PIN4: variants seen among roughly 807,000 people sequenced by gnomAD.
PIN4 encodes the protein peptidyl-prolyl cis-trans isomerase NIMA-interacting 4.
Under a neutral mutation model 8.3 loss-of-function variants are expected in PIN4, and 3 were observed. The observed-to-expected ratio is 0.36, with a 90% CI of 0.16 to 0.93. The LOEUF (loss-of-function observed/expected upper bound fraction) is 0.93, where lower values mean the gene tolerates loss of function less well. Among genes scored for constraint, PIN4 ranks in the 40% least tolerant of loss-of-function variants. PIN4 has a pLI of 0.44. For synonymous variants in PIN4, 18 were observed against 32.5 expected, an observed-to-expected ratio of 0.55 and a Z score of 1.52; for missense variants, 75 against 100.6, an observed-to-expected ratio of 0.75 and a Z score of 1.09.
chrX:72,182,273 G>A (rs2042677254), intron 1 of PIN4, among the ~76,000 whole-genome samples: 1 of 112,216 alleles, frequency 8.9e-6, no homozygotes, highest in Non-Finnish European at 1.9e-5. Context: ...TGGGCGCGGT[G>A]GCTCACGCCT....
At chrX:72,245,069 CAAAAAAAAAAAAAAAAA>C (rs35952560) in intron 3 of PIN4, among the ~76,000 whole-genome samples, 28 of 19,744 alleles carry the variant, frequency 1.4e-3, no homozygotes, top group African/African-American at 3.4e-3. Context: ...GAGATCCTGT[CAAAAAAAAAAAAAAAAA>C]AAAAAAAAAA....
chrX:72,217,352 T>C (rs1227356009), intron 3 of PIN4, among the ~76,000 whole-genome samples: 1 of 111,929 alleles, frequency 8.9e-6, no homozygotes, highest in Non-Finnish European at 1.9e-5. Flanking sequence ...GAACCTTGGG[T>C]CTCTTTTGAG....
intron 3 of PIN4, among the ~76,000 whole-genome samples, chrX:72,221,967 C>G (rs774291589): frequency 9.1e-6 from 1 of 109,707 alleles, no homozygotes; most frequent in Non-Finnish European, 1.9e-5. Flanking sequence ...GCAGATGAAC[C>G]CCCTTCGTAT....
At chrX:72,238,753 C>A (rs1042171317) in intron 3 of PIN4, 3 of 865,735 alleles carry the variant, frequency 3.5e-6, no homozygotes, top group Non-Finnish European at 4.9e-6. Flanking sequence ...TCCGCCTCAA[C>A]AGTTCGGGTC....
At chrX:72,237,086 C>T (rs929479829) in intron 3 of PIN4, among the ~76,000 whole-genome samples, 4 of 112,472 alleles carry the variant, frequency 3.6e-5, no homozygotes, top group Admixed American at 9.5e-5. Context: ...TTTAAATACA[C>T]ATTCCCTAAG....
intron 3 of PIN4, among the ~76,000 whole-genome samples, chrX:72,237,365 G>A (rs1411208134): frequency 6.3e-5 from 7 of 110,613 alleles, no homozygotes; most frequent in Admixed American, 2.9e-4. Flanking sequence ...TTGGGAGGCC[G>A]AGGCGGGCGG....
chrX:72,192,014 C>T (rs986767729), intron 2 of PIN4, among the ~76,000 whole-genome samples: 10 of 110,569 alleles, frequency 9.0e-5, no homozygotes, highest in South Asian at 3.9e-4. Flanking sequence ...TGCAGTGGCG[C>T]GATCTTGGCT....
At chrX:72,257,186 T>G in intron 3 of PIN4, among the ~76,000 whole-genome samples, 1 of 111,321 alleles carries the variant, frequency 9.0e-6, no homozygotes, top group Non-Finnish European at 1.9e-5. Context: ...CCGGGCGTGG[T>G]GGCATGTGCC....
At chrX:72,187,788 C>T (rs1463873291) in intron 2 of PIN4, among the ~76,000 whole-genome samples, 3 of 111,723 alleles carry the variant, frequency 2.7e-5, no homozygotes, top group Non-Finnish European at 5.6e-5. Context: ...TGCAACAGAG[C>T]GAGACCCTGT....
chrX:72,198,507 C>G (rs750960486), downstream of PIN4, among the ~76,000 whole-genome samples: 76 of 112,167 alleles, frequency 6.8e-4, no homozygotes, highest in African/African-American at 2.4e-3. Context: ...GAGATTTTCC[C>G]CACGGAGCAG....
downstream of PIN4, among the ~76,000 whole-genome samples, chrX:72,203,025 G>A (rs1391891920): frequency 4.5e-5 from 5 of 111,444 alleles, no homozygotes; most frequent in South Asian, 1.5e-3. Context: ...ATGATTAGAG[G>A]GAACGTTCAG....
intron 3 of PIN4, among the ~76,000 whole-genome samples, chrX:72,244,435 C>G (rs1317976374): frequency 9.0e-6 from 1 of 111,440 alleles, no homozygotes; most frequent in Non-Finnish European, 1.9e-5. Flanking sequence ...GATCAAAGGC[C>G]CTGAGGCAGG....
rs1230012818 is a variant in PIN4 at position 72,250,736 on chromosome X, G to GTT, written c.313-11951_313-11950dup. Among the ~76,000 whole-genome samples the GTT allele has an allele frequency of 4.1e-3, 304 of 74,323 alleles. 3 individuals are homozygous for GTT. Among genetic ancestry groups the GTT allele is most frequent in the African/African-American group, 0.015 (262 of 17,593 alleles). 64.5% of individuals were successfully genotyped at this position (74,323 alleles called of 115,157 possible). On this transcript the variant is annotated intron_variant, in intron 3 of 3. Coordinates refer to the PIN4 transcript ENST00000423432. ...GTGACAATAAATATTCTGGTATATG[G>GTT]TTTTTTTTTTTTTTTTTTTTTGAGA...
chrX:72,185,147 C>CAAAAAAAAAAAAAAAAAA (rs746215043), intron 1 of PIN4, among the ~76,000 whole-genome samples: 1 of 24,449 alleles, frequency 4.1e-5, no homozygotes, highest in African/African-American at 1.2e-4. Context: ...GACTCCGTCT[C>CAAAAAAAAAAAAAAAAAA]AAAAAAAAAA....
intron 2 of PIN4, among the ~76,000 whole-genome samples, chrX:72,188,369 T>A (rs12847749): frequency 0.25 from 27,769 of 111,043 alleles, 2,584 homozygotes; most frequent in East Asian, 0.5. Flanking sequence ...TTTTATTTTT[T>A]TTTTTGAGAC....
chrX:72,206,387 C>T, intron 3 of PIN4: 1 of 1,210,040 alleles, frequency 8.3e-7, no homozygotes, highest in South Asian at 1.8e-5. Flanking sequence ...GTAACATTCA[C>T]CTTTATACTG....
At chrX:72,219,942 A>G (rs2042913335) in intron 3 of PIN4, among the ~76,000 whole-genome samples, 1 of 111,361 alleles carries the variant, frequency 9.0e-6, no homozygotes, top group Non-Finnish European at 1.9e-5. Flanking sequence ...TGTTCCTGAT[A>G]TGAGCGGGAA....
At chrX:72,231,665 T>C (rs2042984343) in intron 3 of PIN4, among the ~76,000 whole-genome samples, 2 of 111,079 alleles carry the variant, frequency 1.8e-5, no homozygotes, top group South Asian at 7.6e-4. Context: ...AGGATTCTCC[T>C]GCCTCTGCCT....
chrX:72,184,669 C>T (rs750159997), intron 1 of PIN4, among the ~76,000 whole-genome samples: 1 of 110,047 alleles, frequency 9.1e-6, no homozygotes, highest in Non-Finnish European at 1.9e-5. Context: ...CTATAGCAAA[C>T]CCAGTTAGGA....
Sources: allele counts gnomAD v4.1 joint callset (sites outside exome capture counted in the v4.1 genomes callset), GRCh38; gene constraint gnomAD v4.1.1; transcripts MANE v1.5; gene names NCBI Gene and HGNC (gene_info 2026-07-23, HGNC 2026-07-21).